Variants in CLTCL1 observed in about 807,000 individuals in gnomAD.
CLTCL1 encodes the protein clathrin heavy chain like 1.
CLTCL1 carries 159 observed loss-of-function variants against 190.0 expected under a neutral mutation model. That is an observed-to-expected ratio of 0.84 (90% CI 0.74 to 0.95). The LOEUF is 0.95. Ranked by LOEUF, CLTCL1 falls within the 40% of genes least tolerant of loss-of-function variation. The probability of loss-of-function intolerance (pLI) is 0.00; values close to 1 mark genes in which losing one functional copy is unlikely to be tolerated. For synonymous variants in CLTCL1, 752 were observed against 769.6 expected (o/e 0.98, Z 0.38); for missense variants, 1,878 against 2,033.4 (o/e 0.92, Z 1.47).
intron 19 of CLTCL1, among the ~76,000 whole-genome samples, chr22:19,211,055 C>T (rs893409072): frequency 6.0e-5 from 9 of 149,946 alleles, no homozygotes; most frequent in African/African-American, 2.2e-4. Flanking sequence ...TTGAACTTTC[C>T]TTTGCTTTAA....
intron 29 of CLTCL1, among the ~76,000 whole-genome samples, chr22:19,186,949 T>TC (rs2084335930): frequency 6.6e-6 from 1 of 151,444 alleles, no homozygotes; most frequent in Admixed American, 6.6e-5. Flanking sequence ...AATCTTTTTT[T>TC]TTTTTTGGAG....
At chr22:19,201,163 C>G (rs540884207) in intron 23 of CLTCL1, among the ~76,000 whole-genome samples, 166 bp downstream of exon 23, 2 of 152,344 alleles carry the variant, frequency 1.3e-5, no homozygotes, top group African/African-American at 4.8e-5. Context: ...TCTGGGGCCT[C>G]TGTTCCAACT....
At chr22:19,291,570 A>G (rs1476402935) in intron 1 of CLTCL1, 30 bp downstream of exon 1, 3 of 1,343,292 alleles carry the variant, frequency 2.2e-6, no homozygotes, top group South Asian at 1.8e-5. Context: ...CGCGGCTGAC[A>G]GGGCAGCCCC....
At chr22:19,222,539 T>TC (rs2085606803) in intron 15 of CLTCL1, 145 bp downstream of exon 15, 2 of 909,390 alleles carry the variant, frequency 2.2e-6, no homozygotes, top group East Asian at 5.3e-5. Context: ...GGTCTTCTAC[T>TC]CTGGCAGTCT....
chr22:19,181,060 C>A, intron 30 of CLTCL1: 1 of 541,704 alleles, frequency 1.8e-6, no homozygotes, highest in Non-Finnish European at 3.3e-6. Context: ...TCCCAGTGGG[C>A]ACTGGGGCAG....
chr22:19,180,592 C>A lies in CLTCL1; in HGVS notation c.4903+139G>T, dbSNP rs1279582419. The A allele has an allele frequency of 1.5e-5, 12 of 779,638 alleles. No homozygotes were observed. In the East Asian group the frequency reaches 3.2e-4, roughly 21 times the overall value. 48.3% of individuals were successfully genotyped at this position (779,638 alleles called of 1,614,324 possible). A position where few individuals can be genotyped will look rare whatever the true frequency, so the allele number is the denominator to read the frequency against. On this transcript the variant is annotated intron_variant, in intron 31 of 32. Coordinates refer to ENST00000427926, the MANE Select transcript of CLTCL1 (RefSeq NM_007098.4). ...TTCCTGGGCGTACACTTCTCCACAC[C>A]CAGTAGCCACTGGGATCCTTCCAGC...
At chr22:19,243,548 G>A (rs2086320897) in intron 3 of CLTCL1, among the ~76,000 whole-genome samples, 1 of 152,068 alleles carries the variant, frequency 6.6e-6, no homozygotes, top group Non-Finnish European at 1.5e-5. Flanking sequence ...GGGCCAAGAA[G>A]TTTGAGGTTG....
intron 29 of CLTCL1, chr22:19,183,971 C>A: frequency 2.9e-6 from 1 of 350,750 alleles, no homozygotes; most frequent in Admixed American, 4.2e-5. Flanking sequence ...GTCCATGGAG[C>A]GTGTGACACC....
chr22:19,190,963 A>G (rs1314203500), intron 27 of CLTCL1, among the ~76,000 whole-genome samples: 2 of 152,058 alleles, frequency 1.3e-5, no homozygotes, highest in Non-Finnish European at 2.9e-5. Context: ...TTTTTAGTAG[A>G]GACGGGGTTT....
chr22:19,253,277 T>TGTGTGTGGGCCGTG (rs2086653419), intron 3 of CLTCL1, among the ~76,000 whole-genome samples: 1 of 152,084 alleles, frequency 6.6e-6, no homozygotes, highest in Non-Finnish European at 1.5e-5. Context: ...AAGGCCGCGT[T>TGTGTGTGGGCCGTG]GTGTGTGGGC....
chr22:19,237,344 G>T (rs2086112638), intron 5 of CLTCL1, among the ~76,000 whole-genome samples: 2 of 152,038 alleles, frequency 1.3e-5, no homozygotes, highest in South Asian at 4.1e-4. Context: ...GAAAAAAAAT[G>T]CAAAGATTAG....
At position 19,239,356 on chromosome 22, in the gene CLTCL1, C is replaced by A; in HGVS notation, c.714G>T (p.Ala238=). The change falls in exon 5 of 33, where the codon GCG becomes GCT. Residue 238 remains alanine (A), a synonymous_variant. Coordinates refer to ENST00000427926, the MANE Select transcript of CLTCL1 (RefSeq NM_007098.4). ...LHIIEVGQPA[A]GNQPFVKKAV... is the part of the protein sequence containing the mutation. ...CTTTCTTTACAAAAGGTTGGTTTCC[C>A]GCTGCAGGCTGTCCAACTTCAATGA... 3.7e-6 allele frequency: 6 copies of A among 1,613,982 alleles called. No individual in the cohort carries two copies. The highest frequency in any genetic ancestry group is 5.1e-6 in the Non-Finnish European group (6 of 1,179,886).
intron 5 of CLTCL1, among the ~76,000 whole-genome samples, chr22:19,236,639 G>C (rs2086090423): frequency 6.6e-6 from 1 of 152,114 alleles, no homozygotes; most frequent in African/African-American, 2.4e-5. Flanking sequence ...GAAAGAGAAT[G>C]AATCATATAT....
intron 17 of CLTCL1, among the ~76,000 whole-genome samples, 194 bp downstream of exon 17, chr22:19,221,183 C>T (rs574970188): frequency 8.1e-4 from 124 of 152,210 alleles, no homozygotes; most frequent in Non-Finnish European, 1.7e-3. Flanking sequence ...TCAGGACCAA[C>T]TGGTCTACAG....
At chr22:19,217,432 C>A (rs991358919) in intron 18 of CLTCL1, among the ~76,000 whole-genome samples, 2 of 151,912 alleles carry the variant, frequency 1.3e-5, no homozygotes, top group Admixed American at 6.6e-5. Context: ...CTGGCTAACA[C>A]GGTGAAACCC....
intron 3 of CLTCL1, among the ~76,000 whole-genome samples, chr22:19,253,032 AG>A (rs1394563947): frequency 2.7e-5 from 4 of 150,596 alleles, no homozygotes; most frequent in Non-Finnish European, 4.4e-5. Context: ...AAAAAAAAAA[AG>A]GGAGGACAAA....
Position 19,253,985 on chromosome 22 carries a change from G to C in CLTCL1, c.493C>G (p.Leu165Val). The C allele has an allele frequency of 1.2e-6, 2 of 1,613,052 alleles. No homozygotes were observed. The highest frequency in any genetic ancestry group is 1.7e-6 in the Non-Finnish European group (2 of 1,179,366). The change falls in exon 3 of 33, where the codon CTG becomes GTG. Residue 165 changes from leucine to valine, a missense_variant. Physicochemically the swap from Leu to Val is conservative, Grantham distance 32. Coordinates refer to ENST00000427926, the MANE Select transcript of CLTCL1 (RefSeq NM_007098.4). ...HYRTDEYQKW[L>V]LLVGISAQQN... ...TGAGCCGAGATGCCTACGAGCAGCA[G>C]CCACTTCTGGTACTCATCAGTCCGG...
At chr22:19,233,340 G>A in intron 8 of CLTCL1, 22 bp from the exon 9 acceptor site, 1 of 1,610,900 alleles carries the variant, frequency 6.2e-7, no homozygotes, top group Non-Finnish European at 8.5e-7. Flanking sequence ...CAAGGGACAA[G>A]GCAAAGTTAG....
intron 2 of CLTCL1, among the ~76,000 whole-genome samples, chr22:19,268,887 C>G (rs527265350): frequency 6.6e-6 from 1 of 151,922 alleles, no homozygotes; most frequent in Non-Finnish European, 1.5e-5. Context: ...AAGGTCAGAT[C>G]AAGACCATCC....
Sources: gnomAD v4.1 joint callset for allele counts (sites outside exome capture counted in the v4.1 genomes callset) on GRCh38, gnomAD v4.1.1 for gene constraint, MANE v1.5 for transcripts, NCBI Gene and HGNC (gene_info 2026-07-23, HGNC 2026-07-21) for gene names.